AKR1A1: variants seen among roughly 807,000 people sequenced by gnomAD.
The protein encoded by AKR1A1 is HEL-S-165mP.
A neutral mutation model predicts 39.2 loss-of-function variants in AKR1A1; 26 were observed. The ratio of observed to expected loss-of-function variants is 0.66; its 90% confidence interval spans 0.49 to 0.92. The LOEUF is 0.92. AKR1A1 is among the 40% of genes least tolerant of loss of function. AKR1A1 has a pLI of 0.00. For synonymous variants in AKR1A1, 141 were observed against 155.5 expected (o/e 0.91, Z 0.69); for missense variants, 378 against 406.5 (o/e 0.93, Z 0.60).
intron 2 of AKR1A1, among the ~76,000 whole-genome samples, chr1:45,563,682 A>G (rs1016403311): frequency 2.0e-5 from 3 of 151,786 alleles, no homozygotes; most frequent in East Asian, 2.0e-4. Context: ...CCAGCTACTC[A>G]GGAGTCTGAG....
In AKR1A1 at chr1:45,561,369, C is replaced by T. The variant is rs143156489; in HGVS notation, c.-6-420C>T. Reference sequence around the variant, plus strand: ...TTGCTCACAGGCACATATATAACCACGTGTTTGTCCTACACATCTGTCCCC... The same window carrying T: ...TTGCTCACAGGCACATATATAACCATGTGTTTGTCCTACACATCTGTCCCC... On this transcript the variant is annotated intron_variant, in intron 1 of 8. Coordinates refer to ENST00000351829, the MANE Select transcript of AKR1A1 (RefSeq NM_153326.3). Among the ~76,000 whole-genome samples the T allele has an allele frequency of 2.1e-3, 312 of 151,982 alleles. 1 individual carries two copies. Among genetic ancestry groups the T allele is most frequent in the African/African-American group, 6.6e-3 (275 of 41,422 alleles).
At chr1:45,553,007 C>G (rs1427687984) in intron 1 of AKR1A1, among the ~76,000 whole-genome samples, 1 of 151,896 alleles carries the variant, frequency 6.6e-6, no homozygotes, top group East Asian at 1.9e-4. Context: ...CACCTATAAT[C>G]CCAGCTACTG....
chr1:45,569,976 CCCTT>C lies in AKR1A1; in HGVS notation c.*23_*26del. 6.2e-7 allele frequency: 1 copy of C among 1,612,008 alleles called. No individual in the cohort carries two copies. The highest frequency in any genetic ancestry group is 8.5e-7 in the Non-Finnish European group (1 of 1,178,062). ...TACTGAGACCACAGCTTCTTGGCCT[CCCTT>C]CCAGCTCTGCAGCTAATGAGGTCCT... On this transcript the variant is annotated 3_prime_UTR_variant, in exon 9 of 9. Coordinates refer to ENST00000351829, the MANE Select transcript of AKR1A1 (RefSeq NM_153326.3).
At chr1:45,567,170 G>C (rs1320420218) in intron 4 of AKR1A1, 150 bp downstream of exon 4, 14 of 1,054,832 alleles carry the variant, frequency 1.3e-5, no homozygotes, top group African/African-American at 9.6e-5. Flanking sequence ...AGCCTCTTCT[G>C]CTACAGCAGC....
At position 45,568,139 on chromosome 1, in the gene AKR1A1, A is replaced by G. The variant is rs1570917435; in HGVS notation, c.514A>G (p.Ile172Val). 1.2e-5 allele frequency: 20 copies of G among 1,613,930 alleles called. No individual in the cohort carries two copies. The highest frequency in any genetic ancestry group is 1.4e-5 in the Non-Finnish European group (17 of 1,180,002). Reference sequence around the variant, plus strand: ...CTTCAACAGTCGGCAGATTGATGACATACTCAGTGTGGCCTCCGTGCGTCC... The same window carrying G: ...CTTCAACAGTCGGCAGATTGATGACGTACTCAGTGTGGCCTCCGTGCGTCC... ...SNFNSRQIDD[I>V]LSVASVRPAV... Residue 172 changes from isoleucine to valine, a missense_variant, in exon 5 of 9, where the codon ATA (isoleucine) becomes GTA (valine). Transcript: ENST00000351829.
intron 2 of AKR1A1, among the ~76,000 whole-genome samples, chr1:45,564,599 C>G (rs1644315818): frequency 6.6e-6 from 1 of 152,032 alleles, no homozygotes; most frequent in South Asian, 2.1e-4. Context: ...CTTCTAACCT[C>G]TTTTGCTGGC....
chr1:45,568,566 C>T lies in AKR1A1; in HGVS notation c.634C>T (p.Pro212Ser). ...ARGLEVTAYSPLGSSDRAWRD... is the reference protein window; with the variant it reads ...ARGLEVTAYSSLGSSDRAWRD... ...TGGCCTGGAGGTAACTGCTTATAGCCCTTTGGGCTCCTCTGATCGTGCATG... is the reference window on the plus strand; with the variant it reads ...TGGCCTGGAGGTAACTGCTTATAGCTCTTTGGGCTCCTCTGATCGTGCATG... Residue 212 changes from proline to serine, a missense_variant, in exon 6 of 9, where the codon CCT becomes TCT. Transcript: ENST00000351829. 1 of 1,613,922 alleles carries T rather than the reference C, an allele frequency of 6.2e-7. No individual in the cohort carries two copies. The highest frequency in any genetic ancestry group is 8.5e-7 in the Non-Finnish European group (1 of 1,179,956).
chr1:45,555,444 G>A (rs1226303664), intron 1 of AKR1A1, among the ~76,000 whole-genome samples: 5 of 151,904 alleles, frequency 3.3e-5, no homozygotes, highest in African/African-American at 1.2e-4. Context: ...CCGACATTGC[G>A]CCGTTGCATT....
At chr1:45,558,565 A>T (rs1485895765) in intron 1 of AKR1A1, among the ~76,000 whole-genome samples, 1 of 151,518 alleles carries the variant, frequency 6.6e-6, no homozygotes, top group African/African-American at 2.4e-5. Flanking sequence ...ATGCCCGGCT[A>T]ATTTTTGTAT....
intron 1 of AKR1A1, among the ~76,000 whole-genome samples, chr1:45,558,185 G>T (rs1644231276): frequency 6.6e-6 from 1 of 151,286 alleles, no homozygotes; most frequent in Non-Finnish European, 1.5e-5. Context: ...CAAAGTGCTG[G>T]GGTTACAGAC....
intron 1 of AKR1A1, among the ~76,000 whole-genome samples, chr1:45,559,155 A>T (rs1028968279): frequency 1.3e-5 from 2 of 152,238 alleles, no homozygotes. Flanking sequence ...CAAAGCTCTT[A>T]TCACAGTGTA....
At position 45,550,905 on chromosome 1, in the gene AKR1A1, C is replaced by T. The variant is rs1644120751; in HGVS notation, c.-257C>T. The T allele has an allele frequency of 6.6e-6, 1 of 152,348 alleles. No homozygotes were observed. The highest frequency in any genetic ancestry group is 6.5e-5 in the Admixed American group (1 of 15,286). 9.4% of individuals were successfully genotyped at this position (152,348 alleles called of 1,614,324 possible). Reference sequence around the variant, plus strand: ...AGTGACCAAGTTCCGGCCAGTTCGACCTCGAGGATCCAGAGGTGGAGACGG... The same window carrying T: ...AGTGACCAAGTTCCGGCCAGTTCGATCTCGAGGATCCAGAGGTGGAGACGG... On this transcript the variant is annotated 5_prime_UTR_variant, in exon 1 of 9. Coordinates refer to ENST00000351829, the MANE Select transcript of AKR1A1 (RefSeq NM_153326.3).
rs1644383043 is a variant in AKR1A1, at chr1:45,569,123, AC to A, written c.826-16del. The A allele has an allele frequency of 6.2e-7, 1 of 1,612,466 alleles. No homozygotes were observed. The highest frequency in any genetic ancestry group is 1.3e-5 in the African/African-American group (1 of 74,704). On this transcript the variant is annotated intron_variant, in intron 7 of 8. Coordinates refer to ENST00000351829, the MANE Select transcript of AKR1A1 (RefSeq NM_153326.3). The stretch of plus-strand genomic sequence containing the variant: ...CTGCTCACAAAGCTGGCTTTCTTGA[AC>A]CCCACTCTCCATCCTCAGGTGTTTG...
At chr1:45,568,356 G>A (rs1644372779) in intron 5 of AKR1A1, 129 bp from the exon 6 acceptor site, 1 of 1,260,798 alleles carries the variant, frequency 7.9e-7, no homozygotes, top group Non-Finnish European at 1.1e-6. Context: ...GATGGGAAAT[G>A]GTGAGAAAAG....
chr1:45,553,287 T>C (rs1644157138), intron 1 of AKR1A1, among the ~76,000 whole-genome samples: 1 of 151,742 alleles, frequency 6.6e-6, no homozygotes, highest in Non-Finnish European at 1.5e-5. Context: ...CTGGGTGTGG[T>C]GGCATGCGCC....
intron 5 of AKR1A1, 77 bp from the exon 6 acceptor site, chr1:45,568,408 C>A: frequency 6.6e-7 from 1 of 1,515,756 alleles, no homozygotes; most frequent in South Asian, 1.2e-5. Context: ...AGGGGGTGGT[C>A]CAGACATGCA....
intron 1 of AKR1A1, among the ~76,000 whole-genome samples, chr1:45,551,474 A>G (rs1022402743): frequency 6.6e-6 from 1 of 152,142 alleles, no homozygotes; most frequent in Non-Finnish European, 1.5e-5. Context: ...TTGCTCACCT[A>G]TGTGCTTTTT....
rs533379140 is a variant in AKR1A1, at chr1:45,562,989, G to A, written c.84+1111G>A. 6.6e-5 allele frequency among the ~76,000 whole-genome samples: 10 copies of A among 152,210 alleles called. No individual in the cohort carries two copies. The South Asian group carries it at 2.1e-3, about 32-fold the overall frequency. On this transcript the variant is annotated intron_variant, in intron 2 of 8. Transcript: ENST00000351829. ...TTAAAAAAATTCGAATGCGCCTGTGGTCCCAGCTACTTGAGAGACTGAGTT... is the reference window on the plus strand; with the variant it reads ...TTAAAAAAATTCGAATGCGCCTGTGATCCCAGCTACTTGAGAGACTGAGTT...
chr1:45,568,367 C>T, intron 5 of AKR1A1, 118 bp from the exon 6 acceptor site: 9 of 1,285,336 alleles, frequency 7.0e-6, no homozygotes, highest in Non-Finnish European at 9.8e-6. Context: ...GTGAGAAAAG[C>T]AGGCTGAAGG....
Sources: gnomAD v4.1 joint callset for allele counts (sites outside exome capture counted in the v4.1 genomes callset) on GRCh38, gnomAD v4.1.1 for gene constraint, MANE v1.5 for transcripts, NCBI Gene and HGNC (gene_info 2026-07-23, HGNC 2026-07-21) for gene names.